L3MBTL4: variants seen among roughly 807,000 people sequenced by gnomAD.
L3MBTL4 encodes the protein L3MBTL histone methyl-lysine binding protein 4.
Under a neutral mutation model 84.5 loss-of-function variants are expected in L3MBTL4, and 70 were observed. The ratio of observed to expected loss-of-function variants is 0.83; its 90% confidence interval spans 0.68 to 1.01. L3MBTL4 has a LOEUF of 1.01. Among genes scored for constraint, L3MBTL4 ranks in the 50% least tolerant of loss-of-function variants. The pLI, the probability that L3MBTL4 is intolerant of heterozygous loss-of-function variation, is 0.00. For synonymous variants in L3MBTL4, 274 were observed against 259.8 expected, an observed-to-expected ratio of 1.05 and a Z score of -0.52; for missense variants, 715 against 754.8, an observed-to-expected ratio of 0.95 and a Z score of 0.62.
intron 13 of L3MBTL4, among the ~76,000 whole-genome samples, chr18:6,160,053 T>C (rs566617662): frequency 2.6e-5 from 4 of 152,196 alleles, no homozygotes; most frequent in Admixed American, 2.0e-4. Context: ...ATCCACAGCA[T>C]GGAGAGTCAT....
intron 14 of L3MBTL4, among the ~76,000 whole-genome samples, chr18:6,102,930 T>C (rs1441116346): frequency 6.6e-6 from 1 of 152,038 alleles, no homozygotes; most frequent in Non-Finnish European, 1.5e-5. Flanking sequence ...AGAGTGAAGG[T>C]GAAAGAGAGA....
At chr18:6,196,769 A>G (rs1400047501) in intron 12 of L3MBTL4, among the ~76,000 whole-genome samples, 1 of 152,194 alleles carries the variant, frequency 6.6e-6, no homozygotes, top group Non-Finnish European at 1.5e-5. Flanking sequence ...GGGTGTTCCA[A>G]TGAGGCTGGA....
At chr18:6,006,906 A>C (rs994030647) in intron 16 of L3MBTL4, among the ~76,000 whole-genome samples, 5 of 152,214 alleles carry the variant, frequency 3.3e-5, no homozygotes, top group African/African-American at 1.2e-4. Flanking sequence ...AAATAAAATT[A>C]AGTTGGGTTC....
chr18:6,289,649 G>C (rs2146680615), intron 4 of L3MBTL4, among the ~76,000 whole-genome samples: 1 of 152,042 alleles, frequency 6.6e-6, no homozygotes, highest in South Asian at 2.1e-4. Flanking sequence ...CCTTCAGCTT[G>C]TTCTCCCCTT....
intron 12 of L3MBTL4, among the ~76,000 whole-genome samples, chr18:6,172,518 G>T (rs1232247625): frequency 5.3e-5 from 8 of 152,092 alleles, no homozygotes; most frequent in Admixed American, 4.6e-4. Context: ...GCTATTTAAA[G>T]GCCAAGGGTA....
intron 16 of L3MBTL4, among the ~76,000 whole-genome samples, chr18:5,993,836 C>A (rs980787515): frequency 3.3e-5 from 5 of 152,038 alleles, no homozygotes; most frequent in African/African-American, 9.7e-5. Context: ...ATTCAAATGG[C>A]ACAGGAATGG....
intron 12 of L3MBTL4, among the ~76,000 whole-genome samples, chr18:6,179,790 A>ACCACT (rs1181798028): frequency 6.6e-6 from 1 of 151,972 alleles, no homozygotes; most frequent in Non-Finnish European, 1.5e-5. Flanking sequence ...ACCACACCAC[A>ACCACT]CCACTCAATT....
chr18:6,401,288 T>C (rs2055500355), intron 1 of L3MBTL4, among the ~76,000 whole-genome samples: 2 of 152,210 alleles, frequency 1.3e-5, no homozygotes, highest in South Asian at 4.1e-4. Context: ...TTAGACTTTA[T>C]AAGCACCGTT....
intron 16 of L3MBTL4, among the ~76,000 whole-genome samples, chr18:6,020,537 A>C (rs934129645): frequency 6.6e-6 from 1 of 152,136 alleles, no homozygotes; most frequent in African/African-American, 2.4e-5. Context: ...AAGGAGAATA[A>C]GATGTAGGGA....
At chr18:6,079,443 A>G (rs1020236720) in intron 16 of L3MBTL4, among the ~76,000 whole-genome samples, 5 of 152,250 alleles carry the variant, frequency 3.3e-5, no homozygotes, top group African/African-American at 1.2e-4. Context: ...TAAATGCATG[A>G]ATAAATAAAA....
rs778349355 is a variant in L3MBTL4 at position 6,382,432 on chromosome 18, C to A, written c.-91+32369G>T. 5.9e-5 allele frequency among the ~76,000 whole-genome samples: 9 copies of A among 152,262 alleles called. No individual in the cohort carries two copies. In the South Asian group the frequency reaches 8.3e-4, roughly 14 times the overall value. On this transcript the variant is annotated intron_variant, in intron 1 of 18. Coordinates refer to ENST00000317931, the MANE Select transcript of L3MBTL4 (RefSeq NM_001330559.2). Reference sequence around the variant, plus strand: ...ATGTTCTAGTTTTTGGAATTTTCAGCCTTTTTGCGCTGGTTTCTCCCCATC... The same window carrying A: ...ATGTTCTAGTTTTTGGAATTTTCAGACTTTTTGCGCTGGTTTCTCCCCATC...
chr18:6,135,311 A>C (rs1251207250), intron 14 of L3MBTL4, among the ~76,000 whole-genome samples: 1 of 152,068 alleles, frequency 6.6e-6, no homozygotes, highest in Non-Finnish European at 1.5e-5. Context: ...GCCTGGAGAC[A>C]TTTTCCCCAT....
At chr18:6,242,303 T>C (rs2047484767) in intron 7 of L3MBTL4, among the ~76,000 whole-genome samples, 1 of 152,170 alleles carries the variant, frequency 6.6e-6, no homozygotes, top group African/African-American at 2.4e-5. Flanking sequence ...GCTTCCTCTG[T>C]CATTTCACCC....
chr18:6,031,234 T>A, intron 16 of L3MBTL4: 1 of 985,424 alleles, frequency 1.0e-6, no homozygotes, highest in Non-Finnish European at 1.2e-6. Flanking sequence ...TCAAAGGGGA[T>A]TTTGTGAGCT....
intron 14 of L3MBTL4, among the ~76,000 whole-genome samples, chr18:6,106,488 T>G (rs1446247416): frequency 1.3e-5 from 2 of 152,136 alleles, no homozygotes; most frequent in African/African-American, 2.4e-5. Context: ...GAAAAAGGAA[T>G]TCTTTAGAAC....
intron 16 of L3MBTL4, among the ~76,000 whole-genome samples, chr18:6,022,450 A>G (rs1181408600): frequency 6.6e-6 from 1 of 152,156 alleles, no homozygotes; most frequent in Non-Finnish European, 1.5e-5. Flanking sequence ...TTTCAACAAC[A>G]CAAATCTGAT....
chr18:6,314,079 TAG>T (rs2050970561), intron 1 of L3MBTL4, among the ~76,000 whole-genome samples: 5 of 128,544 alleles, frequency 3.9e-5, no homozygotes, highest in Middle Eastern at 3.7e-3. Flanking sequence ...GATAGATAGA[TAG>T]ATAGTCTAAC....
At chr18:6,106,447 G>A (rs1357799700) in intron 14 of L3MBTL4, among the ~76,000 whole-genome samples, 1 of 152,186 alleles carries the variant, frequency 6.6e-6, no homozygotes, top group Non-Finnish European at 1.5e-5. Context: ...ATTCCCGAAT[G>A]TACTGAGTTG....
intron 4 of L3MBTL4, among the ~76,000 whole-genome samples, chr18:6,278,449 A>C (rs1436341664): frequency 2.6e-5 from 4 of 152,186 alleles, no homozygotes; most frequent in Non-Finnish European, 5.9e-5. Flanking sequence ...CCTCCTTAGT[A>C]ATATACCAGG....
Sources: gnomAD v4.1 joint callset for allele counts (sites outside exome capture counted in the v4.1 genomes callset) on GRCh38, gnomAD v4.1.1 for gene constraint, MANE v1.5 for transcripts, NCBI Gene and HGNC (gene_info 2026-07-23, HGNC 2026-07-21) for gene names.